CCDC17: variants seen among roughly 807,000 people sequenced by gnomAD.
CCDC17 encodes the protein coiled-coil domain-containing protein 17.
Under a neutral mutation model 68.0 loss-of-function variants are expected in CCDC17, and 79 were observed. The observed-to-expected ratio is 1.16, with a 90% CI of 0.97 to 1.40. CCDC17 has a LOEUF of 1.40. Ranked by LOEUF, CCDC17 falls within the 40% of genes most tolerant of loss-of-function variation. CCDC17 has a pLI of 0.00. For missense variants in CCDC17, 846 were observed against 811.5 expected (o/e 1.04, Z -0.52); for synonymous variants, 376 against 337.5 (o/e 1.11, Z -1.25).
intron 12 of CCDC17, 88 bp from the exon 13 acceptor site, chr1:45,620,521 C>G: frequency 6.8e-7 from 1 of 1,470,270 alleles, no homozygotes; most frequent in South Asian, 1.4e-5. Context: ...CTTAGAGTCT[C>G]ACTTACTGTG....
At chr1:45,620,686 GTAGCTGTGGTGTCCC>G (rs1557673910) in intron 12 of CCDC17, 22 bp downstream of exon 12, 1 of 1,564,218 alleles carries the variant, frequency 6.4e-7, no homozygotes, top group Non-Finnish European at 8.7e-7. Flanking sequence ...ACCGGTATGT[GTAGCTGTGGTGTCCC>G]TAGCTGCAGC....
intron 11 of CCDC17, 30 bp downstream of exon 11, chr1:45,620,872 TG>T: frequency 6.2e-7 from 1 of 1,611,492 alleles, no homozygotes; most frequent in Non-Finnish European, 8.5e-7. Flanking sequence ...TGTACTTTGC[TG>T]TATGCCCAAT....
intron 12 of CCDC17, 135 bp from the exon 13 acceptor site, chr1:45,620,568 C>T: frequency 6.8e-7 from 1 of 1,475,760 alleles, no homozygotes; most frequent in Non-Finnish European, 9.0e-7. Context: ...ATTTCCTTAT[C>T]TGTTACATAG....
chr1:45,623,590 G>A lies in CCDC17; in HGVS notation c.237C>T (p.Ala79=). Residue 79 remains alanine (A), a synonymous_variant, in exon 2 of 13, where the codon GCC becomes GCT. Transcript: ENST00000528266. ...TTAACCTCTTTAGAGCAGATCTACT[G>A]GCCTGCTGGTCTGGGAGGCCCTGGG... The part of the protein sequence containing the change: ...QEPQGLPDQQ[A]SRSALKRLTE... 3 of 1,550,756 alleles carry A rather than the reference G, an allele frequency of 1.9e-6. No homozygotes were observed. Among genetic ancestry groups the A allele is most frequent in the Non-Finnish European group, 2.6e-6 (3 of 1,146,884 alleles).
At chr1:45,621,757 C>A in intron 8 of CCDC17, 22 bp from the exon 9 acceptor site, 1 of 1,612,222 alleles carries the variant, frequency 6.2e-7, no homozygotes, top group Non-Finnish European at 8.5e-7. Context: ...AGAGCTGACT[C>A]CTCCAGAAAG....
Position 45,624,045 on chromosome 1 carries a change from T to C in CCDC17, c.-136A>G, listed in dbSNP as rs1018037791. ...CCGTGTCTATTAGGTCTGTGAGATC[T>C]TCAAGTTTGTTTGGGGAGAGCCTTA... On this transcript the variant is annotated 5_prime_UTR_variant, in exon 1 of 13. Coordinates refer to ENST00000528266, the MANE Select transcript of CCDC17 (RefSeq NM_001114938.3). 4.6e-6 allele frequency: 3 copies of C among 648,140 alleles called. No individual in the cohort carries two copies. The highest frequency in any genetic ancestry group is 2.8e-5 in the East Asian group (1 of 35,772). The allele number at this position is 648,140 out of a possible 1,614,324, so 40.1% of individuals were successfully genotyped here.
rs1343057423 is a variant in CCDC17 at position 45,622,537 on chromosome 1, C to T, written c.859+12G>A. The T allele has an allele frequency of 6.4e-7, 1 of 1,550,544 alleles. No individual in the cohort carries two copies. Among genetic ancestry groups the T allele is most frequent in the African/African-American group, 1.4e-5 (1 of 73,148 alleles). ...GGACTGACCACCGCTGGCGAGAGGC[C>T]CTCCTGTTCACCTCTGCGGGTCTGC... On this transcript the variant is annotated intron_variant, in intron 6 of 12. Coordinates refer to ENST00000528266, the MANE Select transcript of CCDC17 (RefSeq NM_001114938.3).
chr1:45,621,939 C>A lies in CCDC17; in HGVS notation c.1024G>T (p.Asp342Tyr). 1 of 1,610,496 alleles carries A rather than the reference C, an allele frequency of 6.2e-7. No homozygotes were observed. Among genetic ancestry groups the A allele is most frequent in the Admixed American group, 1.7e-5 (1 of 59,440 alleles). The change falls in exon 8 of 13, where the codon GAT becomes TAT. Residue 342 changes from aspartate (D) to tyrosine (Y), a missense_variant. Transcript: ENST00000528266. ...DASLQPKGRR[D>Y]PPLLPPPVAP... Reference sequence around the variant, plus strand: ...ACCGGTGGCGGGAGGAGTGGGGGATCTCTCCTCCCCTTCGGTTGTAGGCTG... The same window carrying A: ...ACCGGTGGCGGGAGGAGTGGGGGATATCTCCTCCCCTTCGGTTGTAGGCTG...
chr1:45,621,857 GC>G lies in CCDC17; in HGVS notation c.1086+19del. On this transcript the variant is annotated intron_variant, in intron 8 of 12. Coordinates refer to ENST00000528266, the MANE Select transcript of CCDC17 (RefSeq NM_001114938.3). ...CCCACCCCGTGTCCTCACAGCCTTT[GC>G]CCCACCCAAGAACTGAACCTCCGAG... 6.3e-7 allele frequency: 1 copy of G among 1,595,352 alleles called. No homozygotes were observed. Among genetic ancestry groups the G allele is most frequent in the Non-Finnish European group, 8.5e-7 (1 of 1,171,012 alleles).
chr1:45,622,235 A>G lies in CCDC17; in HGVS notation c.967+6T>C. 6.2e-7 allele frequency: 1 copy of G among 1,611,208 alleles called. No homozygotes were observed. The highest frequency in any genetic ancestry group is 8.5e-7 in the Non-Finnish European group (1 of 1,178,524). ...GGGATGGGATAGGGTTGGGGTGCTC[A>G]CTGACCCAAGGGTGCCCGACCCCTC... On this transcript the variant is annotated splice_donor_region_variant and intron_variant, in intron 7 of 12. Coordinates refer to ENST00000528266, the MANE Select transcript of CCDC17 (RefSeq NM_001114938.3).
intron 12 of CCDC17, 143 bp from the exon 13 acceptor site, chr1:45,620,576 T>C (rs2148385851): frequency 1.3e-6 from 2 of 1,488,004 alleles, no homozygotes; most frequent in Non-Finnish European, 1.8e-6. Flanking sequence ...ATCTGTTACA[T>C]AGTAGGACTT....
In CCDC17 at chr1:45,623,850, G is replaced by A. The variant is rs1569702374; in HGVS notation, c.60C>T (p.Phe20=). The change falls in exon 1 of 13, where the codon TTC becomes TTT. Residue 20 remains phenylalanine (F), a synonymous_variant. Coordinates refer to ENST00000528266, the MANE Select transcript of CCDC17 (RefSeq NM_001114938.3). ...GGGTGGCTAACAGAGCTGAGGAGCG[G>A]AAAACCATGTCACAGGTCCCACAGG... The part of the protein sequence containing the change: ...LLPCGTCDMV[F]RSSALLATHT... 1.9e-6 allele frequency: 3 copies of A among 1,550,830 alleles called. No homozygotes were observed. Among genetic ancestry groups the A allele is most frequent in the Non-Finnish European group, 8.7e-7 (1 of 1,146,558 alleles).
chr1:45,620,703 A>C lies in CCDC17; in HGVS notation c.1710+20T>G. ...CGGTATGTGTAGCTGTGGTGTCCCT[A>C]GCTGCAGCTGGGCCCTCACCGGAGG... is the stretch of plus-strand genomic sequence containing the variant. On this transcript the variant is annotated intron_variant, in intron 12 of 12. Coordinates refer to ENST00000528266, the MANE Select transcript of CCDC17 (RefSeq NM_001114938.3). The C allele has an allele frequency of 6.3e-7, 1 of 1,576,076 alleles. No homozygotes were observed. The highest frequency in any genetic ancestry group is 8.6e-7 in the Non-Finnish European group (1 of 1,160,272).
At position 45,621,674 on chromosome 1, in the gene CCDC17, G is replaced by A. The variant is rs775729215; in HGVS notation, c.1148C>T (p.Thr383Ile). 2 of 1,613,932 alleles carry A rather than the reference G, an allele frequency of 1.2e-6. No individual in the cohort carries two copies. Among genetic ancestry groups the A allele is most frequent in the Non-Finnish European group, 1.7e-6 (2 of 1,179,848 alleles). The change falls in exon 9 of 13, where the codon ACA becomes ATA. Residue 383 changes from threonine (T) to isoleucine (I), a missense_variant. By Grantham distance (89) the Thr-to-Ile change is moderately conservative. Coordinates refer to ENST00000528266, the MANE Select transcript of CCDC17 (RefSeq NM_001114938.3). ...LGLDSHFLLP[T>I]SDMLGPAPYD... ...GGGTGCAGGGCCCAGCATGTCCGAT[G>A]TGGGCAGGAGGAAGTGTGAGTCCAG...
Position 45,620,705 on chromosome 1 carries a change from C to CT in CCDC17, c.1710+17dup. 1 of 1,577,848 alleles carries CT rather than the reference C, an allele frequency of 6.3e-7. No individual in the cohort carries two copies. Among genetic ancestry groups the CT allele is most frequent in the Non-Finnish European group, 8.6e-7 (1 of 1,161,276 alleles). On this transcript the variant is annotated intron_variant, in intron 12 of 12. Transcript: ENST00000528266. ...GTATGTGTAGCTGTGGTGTCCCTAG[C>CT]TGCAGCTGGGCCCTCACCGGAGGTG...
In CCDC17 at chr1:45,623,129, C is replaced by A. The variant is rs1246006022; in HGVS notation, c.494-12G>T. On this transcript the variant is annotated splice_polypyrimidine_tract_variant and intron_variant, in intron 3 of 12. Transcript: ENST00000528266. ...GCGTCGGCTCAGTTCTGAGGGAATG[C>A]GGGCCGAGTCAGAACCGGCCCGAGC... 1.9e-6 allele frequency: 3 copies of A among 1,544,034 alleles called. No homozygotes were observed. In the African/African-American group the frequency reaches 4.1e-5, roughly 21 times the overall value.
intron 2 of CCDC17, 48 bp from the exon 3 acceptor site, chr1:45,623,487 C>G (rs775201907): frequency 3.6e-5 from 55 of 1,549,228 alleles, no homozygotes; most frequent in Non-Finnish European, 4.4e-5. Flanking sequence ...GAATCTGTCC[C>G]AAGTATGATC....
At position 45,623,262 on chromosome 1, in the gene CCDC17, C is replaced by T. The variant is rs1644340409; in HGVS notation, c.448G>A (p.Ala150Thr). The stretch of plus-strand genomic sequence containing the variant: ...GCCCGGCTCTGCGCTTCCATCTCCG[C>T]CACGCGCCTCGCGCGAGTCCTGAAC... ...ALFRTRARRV[A>T]EMEAQSRALQ... The change falls in exon 3 of 13, where the codon GCG (alanine) becomes ACG (threonine). Residue 150 changes from alanine (A) to threonine (T), a missense_variant. Ala to Thr is a moderately conservative substitution (Grantham distance 58). Transcript: ENST00000528266. 3 of 1,546,308 alleles carry T rather than the reference C, an allele frequency of 1.9e-6. No homozygotes were observed. In the African/African-American group the frequency reaches 4.1e-5, roughly 21 times the overall value.
chr1:45,620,684 G>A (rs1385124893), intron 12 of CCDC17, 39 bp downstream of exon 12: 1 of 1,563,142 alleles, frequency 6.4e-7, no homozygotes, highest in Non-Finnish European at 8.7e-7. Flanking sequence ...ACACCGGTAT[G>A]TGTAGCTGTG....
Sources: allele counts gnomAD v4.1 joint callset, GRCh38; gene constraint gnomAD v4.1.1; transcripts MANE v1.5; gene names NCBI Gene and HGNC (gene_info 2026-07-23, HGNC 2026-07-21).